The following NLGN1 variants were observed in gnomAD, a reference collection of about 807,000 sequenced individuals.
The protein encoded by NLGN1 is neuroligin-1.
NLGN1 carries 12 observed loss-of-function variants against 65.5 expected under a neutral mutation model. The ratio of observed to expected loss-of-function variants is 0.18; its 90% confidence interval spans 0.12 to 0.30. NLGN1 has a LOEUF of 0.30. Ranked by LOEUF, NLGN1 falls within the 10% of genes least tolerant of loss-of-function variation. NLGN1 has a pLI of 1.00. For synonymous variants in NLGN1, 350 were observed against 359.5 expected (o/e 0.97, Z 0.30); for missense variants, 750 against 1,007.1 (o/e 0.74, Z 3.46).
chr3:174,081,422 T>C (rs1742183701), intron 4 of NLGN1, among the ~76,000 whole-genome samples: 1 of 152,046 alleles, frequency 6.6e-6, no homozygotes, highest in Non-Finnish European at 1.5e-5. Flanking sequence ...GCCCACTTCC[T>C]GTTACATATA....
chr3:173,631,329 T>C (rs1310014255), intron 3 of NLGN1, among the ~76,000 whole-genome samples: 1 of 152,186 alleles, frequency 6.6e-6, no homozygotes, highest in East Asian at 1.9e-4. Context: ...TATATCTCTT[T>C]AAGGGTTGAC....
At chr3:174,117,286 T>TTA (rs1378770370) in intron 4 of NLGN1, among the ~76,000 whole-genome samples, 1 of 151,534 alleles carries the variant, frequency 6.6e-6, no homozygotes, top group Admixed American at 6.6e-5. Flanking sequence ...TTTCTTGAGT[T>TTA]TATATATATA....
intron 2 of NLGN1, among the ~76,000 whole-genome samples, chr3:173,462,601 A>G (rs1340983374): frequency 1.3e-5 from 2 of 152,116 alleles, no homozygotes; most frequent in African/African-American, 2.4e-5. Context: ...TACCATAGCC[A>G]GTCTCCAATT....
At chr3:173,960,845 A>C (rs1281674800) in intron 4 of NLGN1, among the ~76,000 whole-genome samples, 1 of 151,968 alleles carries the variant, frequency 6.6e-6, no homozygotes, top group African/African-American at 2.4e-5. Flanking sequence ...AGTTAAATAT[A>C]AGATTATTCA....
chr3:173,446,645 A>G (rs1720404707), intron 2 of NLGN1, among the ~76,000 whole-genome samples: 1 of 152,142 alleles, frequency 6.6e-6, no homozygotes. Flanking sequence ...TGGCACACCA[A>G]CTTCCACAAT....
At chr3:173,471,752 T>A (rs1368919416) in intron 2 of NLGN1, among the ~76,000 whole-genome samples, 1 of 152,098 alleles carries the variant, frequency 6.6e-6, no homozygotes, top group Non-Finnish European at 1.5e-5. Flanking sequence ...GTCCCTCCAA[T>A]GAAAATTGTT....
intron 2 of NLGN1, among the ~76,000 whole-genome samples, chr3:173,504,626 A>G (rs553391215): frequency 2.9e-4 from 44 of 152,080 alleles, no homozygotes; most frequent in Admixed American, 1.1e-3. Flanking sequence ...TATACCCAAG[A>G]TTTCCATGTC....
intron 4 of NLGN1, among the ~76,000 whole-genome samples, chr3:174,246,423 A>G (rs1337107233): frequency 6.6e-6 from 1 of 152,052 alleles, no homozygotes; most frequent in Non-Finnish European, 1.5e-5. Context: ...CCCTAATTCC[A>G]TTTTTTTAAA....
chr3:173,526,375 G>C (rs1735645111), intron 2 of NLGN1, among the ~76,000 whole-genome samples: 1 of 151,780 alleles, frequency 6.6e-6, no homozygotes, highest in Non-Finnish European at 1.5e-5. Context: ...TTTGATATAA[G>C]AATGGCTACT....
chr3:173,845,816 T>G (rs536779635), intron 4 of NLGN1, among the ~76,000 whole-genome samples: 1 of 152,202 alleles, frequency 6.6e-6, no homozygotes, highest in Non-Finnish European at 1.5e-5. Context: ...ACTCTTAGAT[T>G]TTTTTCAATA....
intron 2 of NLGN1, among the ~76,000 whole-genome samples, chr3:173,595,984 C>G (rs1426195618): frequency 6.6e-6 from 1 of 152,310 alleles, no homozygotes; most frequent in South Asian, 2.1e-4. Flanking sequence ...GGTGGGTACA[C>G]AGAGCCAAAC....
At chr3:173,499,288 C>G (rs1576991649) in intron 2 of NLGN1, among the ~76,000 whole-genome samples, 1 of 151,842 alleles carries the variant, frequency 6.6e-6, no homozygotes, top group East Asian at 1.9e-4. Context: ...GCCAGTTTTC[C>G]CAGCACCATT....
chr3:174,252,614 A>G (rs567962636), intron 4 of NLGN1, among the ~76,000 whole-genome samples: 5 of 152,256 alleles, frequency 3.3e-5, no homozygotes, highest in Admixed American at 3.3e-4. Flanking sequence ...TCTCATTTGA[A>G]AAATTATATG....
chr3:173,435,715 G>A (rs1040596797), intron 2 of NLGN1, among the ~76,000 whole-genome samples: 2 of 152,054 alleles, frequency 1.3e-5, no homozygotes, highest in Admixed American at 1.3e-4. Flanking sequence ...CACGCCTGTA[G>A]TCCCAGCTAC....
chr3:173,854,571 A>T (rs1413143552), intron 4 of NLGN1, among the ~76,000 whole-genome samples: 1 of 152,110 alleles, frequency 6.6e-6, no homozygotes, highest in Non-Finnish European at 1.5e-5. Flanking sequence ...TTTTTTAAAA[A>T]AAATCAATGT....
At chr3:173,498,127 A>T (rs1730343648) in intron 2 of NLGN1, among the ~76,000 whole-genome samples, 1 of 151,666 alleles carries the variant, frequency 6.6e-6, no homozygotes. Context: ...ATATGTATAC[A>T]TGTGCCATGT....
intron 3 of NLGN1, among the ~76,000 whole-genome samples, chr3:173,756,774 A>G (rs1777194754): frequency 6.6e-6 from 1 of 151,786 alleles, no homozygotes; most frequent in South Asian, 2.1e-4. Context: ...TGTAAAAAAA[A>G]AAAACCCAGA....
intron 1 of NLGN1, among the ~76,000 whole-genome samples, chr3:173,398,956 C>T (rs1160602697): frequency 6.6e-6 from 1 of 152,106 alleles, no homozygotes; most frequent in Non-Finnish European, 1.5e-5. Flanking sequence ...GGTATGTGTA[C>T]CTATGTTTGA....
rs749749824 is a variant in NLGN1, at chr3:173,747,801, C to CTTTTTTTTTTTTTTTTTTTTTTTTTTT, written c.494-59875_494-59849dup. On this transcript the variant is annotated intron_variant, in intron 3 of 6. Coordinates refer to ENST00000457714, the Ensembl canonical transcript of NLGN1. Reference sequence around the variant, plus strand: ...AATTTTCTTTCTTCTTCTTCTTGTTCTTTTTTTTTTTTTTTTTTTTTTTTT... The same window carrying CTTTTTTTTTTTTTTTTTTTTTTTTTTT: ...AATTTTCTTTCTTCTTCTTCTTGTTCTTTTTTTTTTTTTTTTTTTTTTTTTTTTTTTTTTTTTTTTTTTTTTTTTTTT... Among the ~76,000 whole-genome samples, 19 of 64,422 alleles carry CTTTTTTTTTTTTTTTTTTTTTTTTTTT rather than the reference C, an allele frequency of 2.9e-4. 5 individuals are homozygous for CTTTTTTTTTTTTTTTTTTTTTTTTTTT. The highest frequency in any genetic ancestry group is 8.1e-4 in the African/African-American group (13 of 16,084). 42.3% of individuals were successfully genotyped at this position (64,422 alleles called of 152,430 possible). A position where few individuals can be genotyped will look rare whatever the true frequency, so the allele number is the denominator to read the frequency against.
Sources: gnomAD v4.1 joint callset for allele counts (sites outside exome capture counted in the v4.1 genomes callset) on GRCh38, gnomAD v4.1.1 for gene constraint, MANE v1.5 for transcripts, NCBI Gene and HGNC (gene_info 2026-07-23, HGNC 2026-07-21) for gene names.